The following ZNF532 variants were observed in gnomAD, a reference collection of about 807,000 sequenced individuals.
The protein encoded by ZNF532 is zinc finger protein 532.
A neutral mutation model predicts 89.3 loss-of-function variants in ZNF532; 22 were observed. The ratio of observed to expected loss-of-function variants is 0.25; its 90% CI spans 0.18 to 0.35. ZNF532 has a LOEUF of 0.35. ZNF532 is among the 10% of genes least tolerant of loss of function. ZNF532 has a pLI of 1.00. For synonymous variants in ZNF532, 606 were observed against 649.6 expected (o/e 0.93, Z 1.02); for missense variants, 1,132 against 1,643.4 (o/e 0.69, Z 5.38).
chr18:58,874,071 G>C (rs940623227), intron 2 of ZNF532, among the ~76,000 whole-genome samples: 30 of 152,156 alleles, frequency 2.0e-4, no homozygotes, highest in African/African-American at 6.8e-4. Context: ...TCTGTTTTGG[G>C]AGAGTAGCCT....
intron 2 of ZNF532, among the ~76,000 whole-genome samples, chr18:58,916,353 C>G (rs2060598750): frequency 6.6e-6 from 1 of 152,160 alleles, no homozygotes; most frequent in Non-Finnish European, 1.5e-5. Context: ...AAAACAAAAC[C>G]ATAATCACAG....
At chr18:58,946,756 ACCCCCTCCCCCAAG>A (rs1460178496) in intron 5 of ZNF532, among the ~76,000 whole-genome samples, 1 of 151,440 alleles carries the variant, frequency 6.6e-6, no homozygotes, top group Non-Finnish European at 1.5e-5. Context: ...GCTTCTCAAC[ACCCCCTCCCCCAAG>A]GGTACTTGTG....
intron 2 of ZNF532, among the ~76,000 whole-genome samples, chr18:58,898,615 C>T (rs1189565682): frequency 2.0e-5 from 3 of 152,158 alleles, no homozygotes; most frequent in Non-Finnish European, 2.9e-5. Context: ...GTGAATGCCG[C>T]GCTAGACCCG....
Position 58,919,425 on chromosome 18 carries a change from G to A in ZNF532, c.1138G>A (p.Val380Ile). 1 of 1,614,184 alleles carries A rather than the reference G, an allele frequency of 6.2e-7. No homozygotes were observed. The highest frequency in any genetic ancestry group is 1.1e-5 in the South Asian group (1 of 91,072). ...GGAAATCAAGAGAACAGTGACCAGG[G>A]TATTGCCAGAAGTGGATCTTGACTC... Reference protein sequence around the residue: ...SGEIKRTVTRVLPEVDLDSGK... With the variant: ...SGEIKRTVTRILPEVDLDSGK... The change falls in exon 3 of 10, where the codon GTA becomes ATA. Residue 380 changes from valine to isoleucine, a missense_variant. Transcript: ENST00000591808. The surrounding 1 kb of genome is among the most constrained non-coding windows in gnomAD (Gnocchi z 6.1).
chr18:58,958,041 AG>A (rs1436861701), intron 7 of ZNF532, among the ~76,000 whole-genome samples: 2 of 148,574 alleles, frequency 1.3e-5, no homozygotes, highest in African/African-American at 5.0e-5. Flanking sequence ...ATTCCAGCCT[AG>A]GCAACAGAGC....
intron 2 of ZNF532, chr18:58,896,637 C>T (rs1245712887): frequency 6.6e-6 from 1 of 152,366 alleles, no homozygotes; most frequent in Non-Finnish European, 1.5e-5. Context: ...AACAATACAG[C>T]TTTTTTATTC....
At chr18:58,898,846 A>G (rs1025024634) in intron 2 of ZNF532, among the ~76,000 whole-genome samples, 1 of 152,230 alleles carries the variant, frequency 6.6e-6, no homozygotes, top group Non-Finnish European at 1.5e-5. Context: ...TGACCTGCAC[A>G]TACATGCCCC....
At chr18:58,914,424 G>A (rs1304388994) in intron 2 of ZNF532, among the ~76,000 whole-genome samples, 1 of 152,254 alleles carries the variant, frequency 6.6e-6, no homozygotes, top group Non-Finnish European at 1.5e-5. Flanking sequence ...GCTCACATCT[G>A]TAATCCCAGC....
At chr18:58,890,990 A>G (rs2058857780) in intron 2 of ZNF532, among the ~76,000 whole-genome samples, 1 of 151,744 alleles carries the variant, frequency 6.6e-6, no homozygotes, top group Admixed American at 6.6e-5. Flanking sequence ...AACTACACGC[A>G]TGCCACCGTA....
At chr18:58,960,628 G>A (rs2065255109) in intron 7 of ZNF532, among the ~76,000 whole-genome samples, 1 of 152,168 alleles carries the variant, frequency 6.6e-6, no homozygotes, top group Non-Finnish European at 1.5e-5. Context: ...GGGACCAGTT[G>A]GTAGGTAGAA....
At chr18:58,969,088 G>C (rs1292555794) in intron 7 of ZNF532, among the ~76,000 whole-genome samples, 2 of 152,214 alleles carry the variant, frequency 1.3e-5, no homozygotes, top group African/African-American at 4.8e-5. Flanking sequence ...GGAGATGCTT[G>C]CTCGCTTTAG....
At chr18:58,904,244 G>A (rs1420752213) in intron 2 of ZNF532, among the ~76,000 whole-genome samples, 1 of 151,994 alleles carries the variant, frequency 6.6e-6, no homozygotes, top group Non-Finnish European at 1.5e-5. Context: ...CCAGCTACTT[G>A]GGAGTCTGAG....
At position 58,920,165 on chromosome 18, in the gene ZNF532, A is replaced by C; in HGVS notation, c.1878A>C (p.Ala626=). 2 of 1,613,836 alleles carry C rather than the reference A, an allele frequency of 1.2e-6. No homozygotes were observed. Among genetic ancestry groups the C allele is most frequent in the South Asian group, 1.1e-5 (1 of 91,074 alleles). Residue 626 remains alanine, a synonymous_variant, in exon 3 of 10, where the codon GCA becomes GCC. Transcript: ENST00000591808. ...YKCLECGDSF[A]LEKSLTQHYD... ...GCTTGGAGTGTGGGGACTCCTTTGC[A>C]CTTGAAAAGAGTCTGACCCAGCACT...
Position 58,958,065 on chromosome 18 carries a change from CAA to C in ZNF532, c.3150+4283_3150+4284del, listed in dbSNP as rs71336311. On this transcript the variant is annotated intron_variant, in intron 7 of 9. Coordinates refer to ENST00000591808, the MANE Select transcript of ZNF532 (RefSeq NM_001375912.1). ...TAGGCAACAGAGCAAGACAATGTGT[CAA>C]AAAAAAAAAAAAAAAATACAAAAAC... 9.1e-3 allele frequency among the ~76,000 whole-genome samples: 1,131 copies of C among 124,534 alleles called. 14 individuals are homozygous for C. Among genetic ancestry groups the C allele is most frequent in the African/African-American group, 0.03 (1,036 of 33,994 alleles). 81.7% of individuals were successfully genotyped at this position (124,534 alleles called of 152,430 possible).
intron 2 of ZNF532, among the ~76,000 whole-genome samples, chr18:58,868,901 G>A (rs1602449328): frequency 6.6e-6 from 1 of 152,218 alleles, no homozygotes; most frequent in African/African-American, 2.4e-5. Flanking sequence ...CCTAGATGGT[G>A]TAGCCTACTA....
At chr18:58,868,995 C>G (rs982532774) in intron 2 of ZNF532, among the ~76,000 whole-genome samples, 4 of 152,158 alleles carry the variant, frequency 2.6e-5, no homozygotes, top group African/African-American at 9.7e-5. Flanking sequence ...GTACTGCATA[C>G]TGTAGGCAGT....
chr18:58,914,504 AC>A (rs2060473078), intron 2 of ZNF532, among the ~76,000 whole-genome samples: 1 of 152,176 alleles, frequency 6.6e-6, no homozygotes, highest in Non-Finnish European at 1.5e-5. Context: ...ACATGGTGAA[AC>A]CCCGTCTCTA....
At position 58,888,875 on chromosome 18, in the gene ZNF532, A is replaced by G. The variant is rs1241735702; in HGVS notation, c.-18+23296A>G. Among the ~76,000 whole-genome samples, 20 of 53,238 alleles carry G rather than the reference A, an allele frequency of 3.8e-4. 1 individual carries two copies. In the South Asian group the frequency reaches 0.012, roughly 31 times the overall value. The allele number at this position is 53,238 out of a possible 152,430, so 34.9% of individuals were successfully genotyped here. ...TATAATTTATATATATATAATATAT[A>G]TTATATATATATATTTTATATATAT... is the stretch of plus-strand genomic sequence containing the variant. On this transcript the variant is annotated intron_variant, in intron 2 of 9. Transcript: ENST00000591808.
intron 4 of ZNF532, among the ~76,000 whole-genome samples, chr18:58,937,022 G>A: frequency 6.6e-6 from 1 of 152,018 alleles, no homozygotes; most frequent in East Asian, 1.9e-4. Flanking sequence ...GGTCATCCCT[G>A]GCTCCTGGTT....
Sources: allele counts gnomAD v4.1 joint callset (sites outside exome capture counted in the v4.1 genomes callset), GRCh38; gene constraint gnomAD v4.1.1; non-coding constraint Gnocchi (gnomAD v3.1); transcripts MANE v1.5; gene names NCBI Gene and HGNC (gene_info 2026-07-23, HGNC 2026-07-21).